The following TAB2 variants were observed in gnomAD, a reference collection of about 807,000 sequenced individuals.
TAB2 encodes the protein TGF-beta-activated kinase 1 and MAP3K7-binding protein 2.
TAB2 carries 3 observed loss-of-function variants against 65.0 expected under a neutral mutation model. The ratio of observed to expected loss-of-function variants is 0.05; its 90% CI spans 0.02 to 0.12. The LOEUF (loss-of-function observed/expected upper bound fraction) is 0.12, where lower values mean the gene tolerates loss of function less well. Ranked by LOEUF, TAB2 falls within the 10% of genes least tolerant of loss-of-function variation. TAB2 has a pLI of 1.00. For synonymous variants in TAB2, 298 were observed against 285.1 expected, an observed-to-expected ratio of 1.05 and a Z score of -0.46; for missense variants, 623 against 840.3, an observed-to-expected ratio of 0.74 and a Z score of 3.20.
At chr6:149,374,496 A>G (rs1294233789) in intron 2 of TAB2, among the ~76,000 whole-genome samples, 2 of 152,172 alleles carry the variant, frequency 1.3e-5, no homozygotes, top group Non-Finnish European at 2.9e-5. Flanking sequence ...CGCTGGGATT[A>G]CAGGGGTGAG....
chr6:149,405,822 G>A (rs1388226678), intron 6 of TAB2, among the ~76,000 whole-genome samples: 1 of 152,000 alleles, frequency 6.6e-6, no homozygotes, highest in African/African-American at 2.4e-5. Context: ...GAGATCTAGT[G>A]TACAACAGTG....
chr6:149,324,169 C>A (rs1313861292), intron 1 of TAB2, among the ~76,000 whole-genome samples: 1 of 151,422 alleles, frequency 6.6e-6, no homozygotes, highest in Non-Finnish European at 1.5e-5. Context: ...GTCACAGAAG[C>A]CAGATAATAA....
chr6:149,321,268 CAT>C (rs916270491), intron 1 of TAB2: 6 of 152,122 alleles, frequency 3.9e-5, no homozygotes, highest in Admixed American at 1.3e-4. Context: ...TATGCATGTT[CAT>C]ATGTTTTTGC....
Position 149,409,651 on chromosome 6 carries a change from G to T in TAB2, c.2014G>T (p.Ala672Ser). ...DDEGAQWNCT[A>S]CTFLNHPALI... ...TGAGGGAGCTCAGTGGAATTGTACC[G>T]CCTGTACTTTTTTGAACCATCCAGC... is the stretch of plus-strand genomic sequence containing the variant. The change falls in exon 7 of 7, where the codon GCC becomes TCC. Residue 672 changes from alanine (A) to serine (S), a missense_variant. Transcript: ENST00000637181. 2 of 1,614,120 alleles carry T rather than the reference G, an allele frequency of 1.2e-6. No homozygotes were observed. Among genetic ancestry groups the T allele is most frequent in the Non-Finnish European group, 1.7e-6 (2 of 1,179,972 alleles).
chr6:149,349,262 T>C (rs192368023), intron 1 of TAB2, among the ~76,000 whole-genome samples: 3 of 151,490 alleles, frequency 2.0e-5, no homozygotes, highest in African/African-American at 7.3e-5. Context: ...CTACTAAAAA[T>C]ACAAAAACTT....
chr6:149,288,471 A>G (rs1304960832), intron 1 of TAB2, among the ~76,000 whole-genome samples: 1 of 152,150 alleles, frequency 6.6e-6, no homozygotes, highest in Admixed American at 6.5e-5. Flanking sequence ...GCCCCCTGAG[A>G]TGTGAATGAT....
In TAB2 at chr6:149,236,343, G is replaced by C. The variant is rs576485423; in HGVS notation, c.-121+17567G>C. Among the ~76,000 whole-genome samples the C allele has an allele frequency of 2.0e-5, 3 of 152,358 alleles. No individual in the cohort carries two copies. In the South Asian group the frequency reaches 6.2e-4, roughly 32 times the overall value. On this transcript the variant is annotated intron_variant, in intron 1 of 1. Transcript: ENST00000606202. ...ACAATAGGAGGTATTGTTGGCTGAA[G>C]CTTCTATATCTCTAAATAAGTAGTT...
chr6:149,369,960 G>GC lies in TAB2; in HGVS notation c.-36dup. On this transcript the variant is annotated 5_prime_UTR_variant, in exon 2 of 7. Coordinates refer to ENST00000637181, the MANE Select transcript of TAB2 (RefSeq NM_001292034.3). ...ACTATTTCCACTAAGGCCTAGAATT[G>GC]CCTACTGTACAAATAGTCCTGATCA... 6.4e-7 allele frequency: 1 copy of GC among 1,553,658 alleles called. No homozygotes were observed. The highest frequency in any genetic ancestry group is 1.1e-5 in the South Asian group (1 of 89,822).
intron 1 of TAB2, among the ~76,000 whole-genome samples, chr6:149,251,201 G>C (rs1189259767): frequency 2.0e-5 from 3 of 152,166 alleles, no homozygotes; most frequent in African/African-American, 7.2e-5. Context: ...CAGACTCCAG[G>C]TCAGGCCATC....
chr6:149,283,331 G>C (rs1352617524), intron 1 of TAB2, among the ~76,000 whole-genome samples: 3 of 152,200 alleles, frequency 2.0e-5, no homozygotes, highest in Admixed American at 2.0e-4. Flanking sequence ...ATCTTCATAT[G>C]ATATGACAGG....
chr6:149,377,945 G>A (rs1781458761), intron 2 of TAB2, 73 bp from the exon 3 acceptor site: 1 of 1,114,600 alleles, frequency 9.0e-7, no homozygotes. Flanking sequence ...TGGTAATCAT[G>A]TATTTGTAGA....
chr6:149,225,160 A>G (rs1179176128), intron 1 of TAB2, among the ~76,000 whole-genome samples: 1 of 152,252 alleles, frequency 6.6e-6, no homozygotes, highest in African/African-American at 2.4e-5. Flanking sequence ...CTTATACGCC[A>G]AACACCGGAA....
intron 1 of TAB2, among the ~76,000 whole-genome samples, chr6:149,348,210 T>G (rs1243791984): frequency 1.3e-5 from 2 of 151,978 alleles, no homozygotes; most frequent in Non-Finnish European, 2.9e-5. Context: ...CTTGGCAATA[T>G]AGGGAGAGCC....
At chr6:149,409,209 T>TTA (rs2114978317) in intron 6 of TAB2, among the ~76,000 whole-genome samples, 1 of 152,338 alleles carries the variant, frequency 6.6e-6, no homozygotes, top group Non-Finnish European at 1.5e-5. Flanking sequence ...GAAACTCTAA[T>TTA]GAGACTTATG....
intron 6 of TAB2, among the ~76,000 whole-genome samples, chr6:149,402,955 C>T (rs1051724584): frequency 2.0e-5 from 3 of 152,042 alleles, no homozygotes; most frequent in African/African-American, 4.8e-5. Flanking sequence ...AACTCTCAGG[C>T]CGGGCACACT....
Position 149,253,739 on chromosome 6 carries a change from T to C in TAB2, c.-121+34963T>C, listed in dbSNP as rs1040822640. On this transcript the variant is annotated intron_variant, in intron 1 of 1. Coordinates refer to the TAB2 transcript ENST00000606202. The stretch of plus-strand genomic sequence containing the variant: ...GAGATCGAGCCCATCCTGGCTAACA[T>C]GGTGAAACCCCGTCTCTGCTAAAAA... Among the ~76,000 whole-genome samples the C allele has an allele frequency of 2.0e-5, 3 of 150,272 alleles. No individual in the cohort carries two copies. The Admixed American group carries it at 2.0e-4, about 10-fold the overall frequency.
intron 1 of TAB2, among the ~76,000 whole-genome samples, chr6:149,353,827 G>A (rs1004932218): frequency 6.6e-6 from 1 of 152,122 alleles, no homozygotes; most frequent in African/African-American, 2.4e-5. Flanking sequence ...CTTTTCTTCA[G>A]GTGTATATTT....
At position 149,411,307 on chromosome 6, in the gene TAB2, A is replaced by C. The variant is rs536801975; in HGVS notation, c.*1588A>C. The C allele has an allele frequency of 2.0e-5, 3 of 152,592 alleles. No homozygotes were observed. The highest frequency in any genetic ancestry group is 7.2e-5 in the African/African-American group (3 of 41,558). 9.5% of individuals were successfully genotyped at this position (152,592 alleles called of 1,614,324 possible). A position where few individuals can be genotyped will look rare whatever the true frequency, so the allele number is the denominator to read the frequency against. Reference sequence around the variant, plus strand: ...AATGGGATTATTACAGTTGATCTCTATGAATGTCAGAGCCCTAACTTTCAG... The same window carrying C: ...AATGGGATTATTACAGTTGATCTCTCTGAATGTCAGAGCCCTAACTTTCAG... On this transcript the variant is annotated 3_prime_UTR_variant, in exon 7 of 7. Transcript: ENST00000637181.
intron 1 of TAB2, among the ~76,000 whole-genome samples, chr6:149,226,650 C>T (rs1170634780): frequency 1.3e-5 from 2 of 152,192 alleles, no homozygotes; most frequent in Non-Finnish European, 2.9e-5. Flanking sequence ...CTTCAAATCC[C>T]ACCACAAAGC....
Sources: gnomAD v4.1 joint callset for allele counts (sites outside exome capture counted in the v4.1 genomes callset) on GRCh38, gnomAD v4.1.1 for gene constraint, MANE v1.5 for transcripts, NCBI Gene and HGNC (gene_info 2026-07-23, HGNC 2026-07-21) for gene names.